CLVS1: variants seen among roughly 807,000 people sequenced by gnomAD.
CLVS1 encodes the protein clavesin 1.
In CLVS1, 10 loss-of-function variants were observed where a neutral mutation model predicts 33.1. That is an observed-to-expected ratio of 0.30 (90% CI 0.19 to 0.51). The LOEUF (loss-of-function observed/expected upper bound fraction) is 0.51. Ranked by LOEUF, CLVS1 falls within the 20% of genes least tolerant of loss-of-function variation. The pLI is 0.97. For synonymous variants in CLVS1, 163 were observed against 166.1 expected (o/e 0.98, Z 0.14); for missense variants, 343 against 433.4 (o/e 0.79, Z 1.85).
rs181823389 is a variant in CLVS1, at chr8:61,443,959, A to G, written c.631-10182A>G. ...ACAAATTCTAAATATGTTTTGTTAG[A>G]TTTACACTTAAGTATTTAATATTTT... On this transcript the variant is annotated intron_variant, in intron 3 of 5. Transcript: ENST00000325897. Among the ~76,000 whole-genome samples, 68 of 152,184 alleles carry G rather than the reference A, an allele frequency of 4.5e-4. 1 individual carries two copies. In the East Asian group the frequency reaches 0.013, roughly 29 times the overall value.
At chr8:61,334,380 G>T (rs1345138890) in intron 2 of CLVS1, among the ~76,000 whole-genome samples, 1 of 152,212 alleles carries the variant, frequency 6.6e-6, no homozygotes, top group Non-Finnish European at 1.5e-5. Context: ...ATGGAAATTT[G>T]GAGGGTCTGT....
At chr8:61,477,625 C>T (rs1252677461) in intron 5 of CLVS1, among the ~76,000 whole-genome samples, 1 of 152,184 alleles carries the variant, frequency 6.6e-6, no homozygotes, top group African/African-American at 2.4e-5. Context: ...GTTTGTATTT[C>T]TGTGGGATCA....
chr8:61,321,420 A>G (rs752019589), intron 2 of CLVS1, among the ~76,000 whole-genome samples: 20 of 151,818 alleles, frequency 1.3e-4, no homozygotes, highest in Admixed American at 2.0e-4. Context: ...CTGGATGCCT[A>G]TAAGATTCTC....
At chr8:61,367,885 C>T (rs1813277855) in intron 2 of CLVS1, among the ~76,000 whole-genome samples, 1 of 152,146 alleles carries the variant, frequency 6.6e-6, no homozygotes, top group African/African-American at 2.4e-5. Flanking sequence ...TTGTGTCTTC[C>T]ACAACGTACA....
intron 2 of CLVS1, among the ~76,000 whole-genome samples, chr8:61,156,022 T>C (rs1308076264): frequency 1.3e-5 from 2 of 152,140 alleles, no homozygotes; most frequent in African/African-American, 4.8e-5. Context: ...GAGACCAGCC[T>C]GGCCAAAATG....
At chr8:61,198,828 C>A (rs189968837) in intron 2 of CLVS1, among the ~76,000 whole-genome samples, 4 of 152,294 alleles carry the variant, frequency 2.6e-5, no homozygotes, top group African/African-American at 7.2e-5. Context: ...ATTTGGTTTT[C>A]GATTCCTGAG....
At chr8:61,128,680 C>G (rs980582360) in intron 1 of CLVS1, among the ~76,000 whole-genome samples, 1 of 152,190 alleles carries the variant, frequency 6.6e-6, no homozygotes, top group Admixed American at 6.5e-5. Context: ...GTTTGACATT[C>G]AATACGTGAA....
At chr8:61,330,678 A>T (rs939207093) in intron 2 of CLVS1, among the ~76,000 whole-genome samples, 1 of 152,118 alleles carries the variant, frequency 6.6e-6, no homozygotes, top group Non-Finnish European at 1.5e-5. Context: ...TCTCTTCTTC[A>T]TCTTTTTCGG....
intron 1 of CLVS1, among the ~76,000 whole-genome samples, chr8:61,126,726 G>A (rs1264697417): frequency 6.6e-6 from 1 of 152,170 alleles, no homozygotes; most frequent in East Asian, 1.9e-4. Flanking sequence ...TGTTCAAACA[G>A]TGTTGTCATG....
At chr8:60,981,873 C>A in the CLVS1 span, among the ~76,000 whole-genome samples, 2 of 152,180 alleles carry the variant, frequency 1.3e-5, no homozygotes, top group Non-Finnish European at 2.9e-5. Flanking sequence ...AAGCAGGAGG[C>A]GCGACGAATT....
At chr8:61,461,965 T>C (rs1040622871) in intron 5 of CLVS1, among the ~76,000 whole-genome samples, 4 of 152,188 alleles carry the variant, frequency 2.6e-5, no homozygotes, top group Admixed American at 2.0e-4. Flanking sequence ...TCAACATTCA[T>C]AGTTAAGCAG....
At chr8:61,140,710 T>G (rs1470052505) in intron 2 of CLVS1, among the ~76,000 whole-genome samples, 1 of 152,114 alleles carries the variant, frequency 6.6e-6, no homozygotes, top group Non-Finnish European at 1.5e-5. Flanking sequence ...CTAAGGCGCC[T>G]GCCACCATGC....
At chr8:61,338,843 C>T (rs1811903429) in intron 2 of CLVS1, among the ~76,000 whole-genome samples, 1 of 152,098 alleles carries the variant, frequency 6.6e-6, no homozygotes, top group South Asian at 2.1e-4. Flanking sequence ...CAGCCTCTGC[C>T]CCAGGGAGGT....
upstream of CLVS1, among the ~76,000 whole-genome samples, chr8:61,055,486 G>C (rs960138084): frequency 6.6e-6 from 1 of 152,190 alleles, no homozygotes; most frequent in African/African-American, 2.4e-5. Context: ...GTCTGAAAAG[G>C]AATATTCTAC....
chr8:61,496,804 G>A (rs1012746047), intron 5 of CLVS1, among the ~76,000 whole-genome samples: 3 of 152,180 alleles, frequency 2.0e-5, no homozygotes, highest in African/African-American at 7.2e-5. Flanking sequence ...TTATGGTGAG[G>A]TGGAAGGAAC....
chr8:61,098,442 CTCTGCTA>C (rs1311344373), intron 1 of CLVS1, among the ~76,000 whole-genome samples: 4 of 150,920 alleles, frequency 2.7e-5, no homozygotes, highest in Non-Finnish European at 5.9e-5. Flanking sequence ...CATACTGGTT[CTCTGCTA>C]TATCTGAGTT....
chr8:61,055,439 C>A (rs1275579637), upstream of CLVS1, among the ~76,000 whole-genome samples: 1 of 152,166 alleles, frequency 6.6e-6, no homozygotes, highest in East Asian at 1.9e-4. Context: ...TATCATTCAC[C>A]CTTTTTGCTA....
At chr8:61,332,450 G>C (rs1251495885) in intron 2 of CLVS1, among the ~76,000 whole-genome samples, 2 of 152,062 alleles carry the variant, frequency 1.3e-5, no homozygotes, top group Non-Finnish European at 2.9e-5. Flanking sequence ...CTTGCTTTTT[G>C]CTGGCTTACT....
At chr8:61,121,011 T>C (rs1389300535) in intron 1 of CLVS1, among the ~76,000 whole-genome samples, 1 of 151,338 alleles carries the variant, frequency 6.6e-6, no homozygotes, top group African/African-American at 2.4e-5. Flanking sequence ...ACTGCTGTGC[T>C]AGCAATCAGC....
Sources: gnomAD v4.1 joint callset for allele counts (sites outside exome capture counted in the v4.1 genomes callset) on GRCh38, gnomAD v4.1.1 for gene constraint, MANE v1.5 for transcripts, NCBI Gene and HGNC (gene_info 2026-07-23, HGNC 2026-07-21) for gene names.